Variants in SLC44A1 observed in about 807,000 individuals in gnomAD.
SLC44A1 encodes choline transporter-like protein 1.
SLC44A1 carries 26 observed loss-of-function variants against 79.3 expected under a neutral mutation model. That is an observed-to-expected ratio of 0.33 (90% CI 0.24 to 0.46). The LOEUF is 0.46. SLC44A1 is among the 20% of genes least tolerant of loss of function. The probability of loss-of-function intolerance (pLI) is 1.00; values close to 1 mark genes in which losing one functional copy is unlikely to be tolerated. For synonymous variants in SLC44A1, 263 were observed against 286.2 expected (o/e 0.92, Z 0.82); for missense variants, 688 against 798.1 (o/e 0.86, Z 1.66).
At chr9:105,405,618 T>A (rs1018424650) in intron 15 of SLC44A1, among the ~76,000 whole-genome samples, 1 of 152,122 alleles carries the variant, frequency 6.6e-6, no homozygotes, top group African/African-American at 2.4e-5. Flanking sequence ...AATGCCCAAG[T>A]AAGCAATGTG....
chr9:105,403,712 C>G (rs113805315), intron 15 of SLC44A1, among the ~76,000 whole-genome samples: 133 of 147,986 alleles, frequency 9.0e-4, no homozygotes, highest in Middle Eastern at 6.8e-3. Flanking sequence ...GGTGGGAGGG[C>G]CAGGGAGGTG....
chr9:105,350,415 T>C (rs1250900847), intron 5 of SLC44A1, among the ~76,000 whole-genome samples: 2 of 152,152 alleles, frequency 1.3e-5, no homozygotes, highest in Non-Finnish European at 2.9e-5. Context: ...ATACCAAGTC[T>C]CCAAAGATGA....
intron 15 of SLC44A1, among the ~76,000 whole-genome samples, chr9:105,406,985 A>G (rs1222650043): frequency 6.6e-6 from 1 of 152,204 alleles, no homozygotes; most frequent in African/African-American, 2.4e-5. Flanking sequence ...CTGATATCAA[A>G]AATTCACTAA....
intron 15 of SLC44A1, among the ~76,000 whole-genome samples, chr9:105,427,097 A>T (rs1158576546): frequency 6.6e-6 from 1 of 151,952 alleles, no homozygotes; most frequent in Non-Finnish European, 1.5e-5. Context: ...CGCTCAGCTA[A>T]TTTTTTGTAT....
chr9:105,437,929 C>A (rs967313254), intron 15 of SLC44A1, among the ~76,000 whole-genome samples: 9 of 152,204 alleles, frequency 5.9e-5, no homozygotes, highest in African/African-American at 2.2e-4. Flanking sequence ...AAACACTAAT[C>A]TAGCCTTCCT....
chr9:105,316,973 T>C (rs1251769116), intron 3 of SLC44A1, among the ~76,000 whole-genome samples: 1 of 152,212 alleles, frequency 6.6e-6, no homozygotes, highest in African/African-American at 2.4e-5. Context: ...CTGTGGGTTT[T>C]GAAGGCTGAA....
chr9:105,367,139 A>G (rs1481022884), intron 12 of SLC44A1, among the ~76,000 whole-genome samples: 1 of 151,878 alleles, frequency 6.6e-6, no homozygotes, highest in African/African-American at 2.4e-5. Flanking sequence ...TCTTTTCTTT[A>G]TTTTTTTAAG....
intron 3 of SLC44A1, among the ~76,000 whole-genome samples, chr9:105,334,092 A>G (rs1276178853): frequency 1.3e-5 from 2 of 152,156 alleles, no homozygotes; most frequent in Non-Finnish European, 2.9e-5. Flanking sequence ...AATTCTCTGT[A>G]TGCCCTGCTT....
intron 1 of SLC44A1, among the ~76,000 whole-genome samples, chr9:105,258,454 C>T (rs1829761902): frequency 6.6e-6 from 1 of 152,094 alleles, no homozygotes; most frequent in African/African-American, 2.4e-5. Flanking sequence ...TGAGGTGGGT[C>T]CCAGTTAGCC....
At chr9:105,411,101 A>G (rs1829088892) in intron 15 of SLC44A1, among the ~76,000 whole-genome samples, 1 of 152,212 alleles carries the variant, frequency 6.6e-6, no homozygotes, top group African/African-American at 2.4e-5. Flanking sequence ...CTGGAACTGT[A>G]TAGTGGTGAT....
intron 4 of SLC44A1, among the ~76,000 whole-genome samples, chr9:105,345,720 T>G (rs556124545): frequency 3.9e-5 from 6 of 152,284 alleles, no homozygotes; most frequent in Admixed American, 2.0e-4. Context: ...TTGTAGTAGT[T>G]AAACATTTTG....
chr9:105,366,222 A>G (rs537062677), intron 11 of SLC44A1, 124 bp from the exon 12 acceptor site: 60 of 461,884 alleles, frequency 1.3e-4, no homozygotes, highest in Non-Finnish European at 2.1e-4. Flanking sequence ...GTGGACAAGT[A>G]TGGAGGCTTT....
chr9:105,355,631 G>T (rs1030305338), intron 5 of SLC44A1, among the ~76,000 whole-genome samples: 19 of 152,104 alleles, frequency 1.2e-4, no homozygotes, highest in Admixed American at 1.2e-3. Context: ...TGCCTATTAT[G>T]CTGTTTGTTG....
chr9:105,304,944 GTTTTTTTTTTTTTTTTTT>G (rs10589897), intron 2 of SLC44A1, among the ~76,000 whole-genome samples: 359 of 19,948 alleles, frequency 0.018, 6 homozygotes, highest in African/African-American at 0.038. Context: ...ACTTTCTATC[GTTTTTTTTTTTTTTTTTT>G]TTTTTTTTTT....
intron 12 of SLC44A1, among the ~76,000 whole-genome samples, chr9:105,373,242 G>A (rs1475269142): frequency 6.6e-6 from 1 of 152,062 alleles, no homozygotes; most frequent in African/African-American, 2.4e-5. Flanking sequence ...CTCAACATTT[G>A]GGACCTAGAA....
Position 105,390,501 on chromosome 9 carries a change from A to G in SLC44A1, c.*1445A>G, listed in dbSNP as rs769383727. 4.1e-6 allele frequency: 4 copies of G among 984,768 alleles called. No individual in the cohort carries two copies. The highest frequency in any genetic ancestry group is 3.5e-5 in the African/African-American group (2 of 57,004). 61.0% of individuals were successfully genotyped at this position (984,768 alleles called of 1,614,324 possible). On this transcript the variant is annotated 3_prime_UTR_variant, in exon 16 of 16. Transcript: ENST00000374720. The stretch of plus-strand genomic sequence containing the variant: ...GAAGGAGAATCTTTTGAAAGAAAGC[A>G]TTGCCTCCTACCAGAACTAGACAGT...
intron 15 of SLC44A1, among the ~76,000 whole-genome samples, chr9:105,432,604 C>G (rs1432752792): frequency 2.0e-5 from 3 of 152,178 alleles, no homozygotes; most frequent in African/African-American, 4.8e-5. Flanking sequence ...CAAGATTGAT[C>G]CCTTTCTTCC....
chr9:105,387,060 A>AAAATATATATATATATATATATAT (rs34780893), intron 15 of SLC44A1, among the ~76,000 whole-genome samples: 5 of 7,728 alleles, frequency 6.5e-4, no homozygotes, highest in Non-Finnish European at 9.5e-4. Flanking sequence ...AAAAAAAAAA[A>AAAATATATATATATATATATATAT]ATATATATAT....
downstream of SLC44A1, among the ~76,000 whole-genome samples, chr9:105,401,619 GA>G (rs1451430830): frequency 6.6e-6 from 1 of 152,140 alleles, no homozygotes. Flanking sequence ...AGAAATAATA[GA>G]AATGATAGAC....
Sources: allele counts gnomAD v4.1 joint callset (sites outside exome capture counted in the v4.1 genomes callset), GRCh38; gene constraint gnomAD v4.1.1; transcripts MANE v1.5; gene names NCBI Gene and HGNC (gene_info 2026-07-23, HGNC 2026-07-21).